Variants in RECK observed in about 807,000 individuals in gnomAD.
The protein encoded by RECK is reversion-inducing cysteine-rich protein with Kazal motifs.
In RECK, 69 loss-of-function variants were observed where a neutral mutation model predicts 115.1. The ratio of observed to expected loss-of-function variants is 0.60; its 90% CI spans 0.49 to 0.73. The LOEUF (loss-of-function observed/expected upper bound fraction) is 0.73. Among genes scored for constraint, RECK ranks in the 30% least tolerant of loss-of-function variants. RECK has a pLI of 0.00. For missense variants in RECK, 1,047 were observed against 1,203.7 expected (o/e 0.87, Z 1.93); for synonymous variants, 414 against 419.7 (o/e 0.99, Z 0.17).
intron 1 of RECK, among the ~76,000 whole-genome samples, chr9:36,040,653 A>C (rs1259785256): frequency 6.6e-6 from 1 of 152,024 alleles, no homozygotes; most frequent in Non-Finnish European, 1.5e-5. Flanking sequence ...TAAGAGTATA[A>C]GCAGGATGAC....
intron 5 of RECK, 122 bp from the exon 6 acceptor site, chr9:36,065,455 G>T: frequency 8.0e-6 from 5 of 624,034 alleles, no homozygotes; most frequent in Non-Finnish European, 1.2e-5. Flanking sequence ...TTGAACATAA[G>T]GTTTTCCTTG....
chr9:36,119,653 C>T (rs568134619), intron 18 of RECK, among the ~76,000 whole-genome samples: 28 of 152,292 alleles, frequency 1.8e-4, no homozygotes, highest in Admixed American at 7.2e-4. Flanking sequence ...CCAGACGCTC[C>T]TCTAAGCACT....
chr9:36,066,823 C>T (rs1234327915), intron 6 of RECK: 1 of 1,289,342 alleles, frequency 7.8e-7, no homozygotes, highest in South Asian at 1.2e-5. Context: ...TTCTGCATTG[C>T]CCTAGGAAGT....
Position 36,063,894 on chromosome 9 carries a change from G to T in RECK, c.357+14G>T. 6.2e-7 allele frequency: 1 copy of T among 1,612,796 alleles called. No individual in the cohort carries two copies. The highest frequency in any genetic ancestry group is 1.7e-5 in the Admixed American group (1 of 60,020). On this transcript the variant is annotated intron_variant, in intron 5 of 20. Coordinates refer to ENST00000377966, the MANE Select transcript of RECK (RefSeq NM_021111.3). ...GCATGCAAGCAGGTAACACTGGGTA[G>T]TCAGGCTCTCAAACATCATGGAGTG...
chr9:36,097,732 A>G (rs151253821), intron 10 of RECK, among the ~76,000 whole-genome samples: 401 of 152,356 alleles, frequency 2.6e-3, no homozygotes, highest in African/African-American at 9.4e-3. Flanking sequence ...TCACTCCCAC[A>G]TTCACTGCAG....
rs1820685240 is a variant in RECK at position 36,036,982 on chromosome 9, A to G, written c.-17A>G. ...GGGTCCGAGCATCCCGCGGCTCTGG[A>G]GCCGCCCGGCCCGGACATGGCGACC... On this transcript the variant is annotated 5_prime_UTR_variant, in exon 1 of 21. Coordinates refer to ENST00000377966, the MANE Select transcript of RECK (RefSeq NM_021111.3). 6 of 1,410,530 alleles carry G rather than the reference A, an allele frequency of 4.3e-6. No homozygotes were observed. Among genetic ancestry groups the G allele is most frequent in the Non-Finnish European group, 3.7e-6 (4 of 1,080,046 alleles). The allele number at this position is 1,410,530 out of a possible 1,614,324, so 87.4% of individuals were successfully genotyped here.
chr9:36,065,480 A>G (rs1215245897), intron 5 of RECK, 97 bp from the exon 6 acceptor site: 7 of 814,814 alleles, frequency 8.6e-6, no homozygotes, highest in African/African-American at 3.6e-5. Context: ...AATAAAGGAT[A>G]CTATATCAGT....
In RECK at chr9:36,066,779, G is replaced by A. The variant is rs1002348603; in HGVS notation, c.405+1155G>A. On this transcript the variant is annotated intron_variant, in intron 6 of 20. Transcript: ENST00000377966. Reference sequence around the variant, plus strand: ...GTCCATCTTCCATAGCCTGTCCTCCGTTATTTTAGTGTGCTTCCTTCTCTT... The same window carrying A: ...GTCCATCTTCCATAGCCTGTCCTCCATTATTTTAGTGTGCTTCCTTCTCTT... 55 of 1,286,722 alleles carry A rather than the reference G, an allele frequency of 4.3e-5. 1 individual carries two copies. The African/African-American group carries it at 5.5e-4, about 13-fold the overall frequency. 79.7% of individuals were successfully genotyped at this position (1,286,722 alleles called of 1,614,324 possible). A position where few individuals can be genotyped will look rare whatever the true frequency, so the allele number is the denominator to read the frequency against.
chr9:36,101,098 C>T (rs765507014), intron 11 of RECK, among the ~76,000 whole-genome samples: 2 of 152,044 alleles, frequency 1.3e-5, no homozygotes, highest in Non-Finnish European at 2.9e-5. Context: ...TCCCGAGTAG[C>T]TGGGACTACA....
At chr9:36,089,996 ACAC>A (rs1347880928) in intron 9 of RECK, among the ~76,000 whole-genome samples, 13 of 150,714 alleles carry the variant, frequency 8.6e-5, no homozygotes, top group Non-Finnish European at 1.6e-4. Flanking sequence ...ACACACACAC[ACAC>A]ACACAAATTA....
intron 18 of RECK, among the ~76,000 whole-genome samples, chr9:36,120,186 G>C (rs748767940): frequency 1.5e-4 from 22 of 151,668 alleles, no homozygotes; most frequent in Non-Finnish European, 2.5e-4. Context: ...AGTGAGCCGA[G>C]ATCGCGCCAC....
At chr9:36,092,380 T>A (rs957076756) in intron 10 of RECK, among the ~76,000 whole-genome samples, 16 of 151,764 alleles carry the variant, frequency 1.1e-4, no homozygotes, top group South Asian at 2.1e-4. Context: ...CTTTTTTTTT[T>A]ATTATTTTTG....
chr9:36,099,404 C>A (rs991675254), intron 10 of RECK, among the ~76,000 whole-genome samples: 2 of 152,202 alleles, frequency 1.3e-5, no homozygotes, highest in African/African-American at 4.8e-5. Context: ...CAGTCCTATC[C>A]TTCTCGCTAA....
At chr9:36,051,331 A>G (rs1452729338) in intron 1 of RECK, among the ~76,000 whole-genome samples, 1 of 152,162 alleles carries the variant, frequency 6.6e-6, no homozygotes, top group Non-Finnish European at 1.5e-5. Context: ...AAAGGGAGAA[A>G]AAATCTTGGA....
At chr9:36,070,649 C>T (rs939803946) in intron 6 of RECK, among the ~76,000 whole-genome samples, 3 of 152,120 alleles carry the variant, frequency 2.0e-5, no homozygotes, top group African/African-American at 4.8e-5. Context: ...TGGAAATGTT[C>T]AAGTAAAGAC....
At chr9:36,055,329 T>C (rs1821481115) in intron 2 of RECK, among the ~76,000 whole-genome samples, 1 of 152,176 alleles carries the variant, frequency 6.6e-6, no homozygotes, top group African/African-American at 2.4e-5. Context: ...ATCAGTTTAA[T>C]TCATTCTACT....
chr9:36,102,447 G>A (rs1373227668), intron 12 of RECK, among the ~76,000 whole-genome samples: 1 of 152,192 alleles, frequency 6.6e-6, no homozygotes, highest in Non-Finnish European at 1.5e-5. Flanking sequence ...TCAGTCTGAG[G>A]AGGTACCAAC....
intron 10 of RECK, among the ~76,000 whole-genome samples, chr9:36,092,781 G>T (rs890950190): frequency 6.6e-6 from 1 of 151,816 alleles, no homozygotes; most frequent in African/African-American, 2.4e-5. Flanking sequence ...TTTTCATGGG[G>T]AGTAGAGTTC....
At position 36,063,821 on chromosome 9, in the gene RECK, G is replaced by A. The variant is rs371801859; in HGVS notation, c.298G>A (p.Val100Ile). Residue 100 changes from valine (V) to isoleucine (I), a missense_variant, in exon 5 of 21, where the codon GTT (valine) becomes ATT (isoleucine). By Grantham distance (29) the Val-to-Ile change is conservative. Transcript: ENST00000377966. Reference protein sequence around the residue: ...PGVFKKSDGWVGLGCCELAIA... With the variant: ...PGVFKKSDGWIGLGCCELAIA... ...TGTGTTTAAGAAGTCTGATGGCTGG[G>A]TTGGCTTAGGCTGCTGTGAACTGGC... 3 of 1,613,978 alleles carry A rather than the reference G, an allele frequency of 1.9e-6. No individual in the cohort carries two copies. Among genetic ancestry groups the A allele is most frequent in the Non-Finnish European group, 2.5e-6 (3 of 1,179,966 alleles).
Sources: allele counts gnomAD v4.1 joint callset (sites outside exome capture counted in the v4.1 genomes callset), GRCh38; gene constraint gnomAD v4.1.1; transcripts MANE v1.5; gene names NCBI Gene and HGNC (gene_info 2026-07-23, HGNC 2026-07-21).